DMC1: variants seen among roughly 807,000 people sequenced by gnomAD.
DMC1 encodes the protein DNA meiotic recombinase 1.
DMC1 carries 27 observed loss-of-function variants against 50.1 expected under a neutral mutation model. The observed-to-expected ratio is 0.54, with a 90% CI of 0.40 to 0.74. The LOEUF (loss-of-function observed/expected upper bound fraction) is 0.74. Ranked by LOEUF, DMC1 falls within the 30% of genes least tolerant of loss-of-function variation. The pLI, the probability that DMC1 is intolerant of heterozygous loss-of-function variation, is 0.00. For synonymous variants in DMC1, 148 were observed against 136.1 expected (o/e 1.09, Z -0.61); for missense variants, 295 against 420.2 (o/e 0.70, Z 2.60).
intron 8 of DMC1, among the ~76,000 whole-genome samples, chr22:38,539,914 C>T (rs1382983416): frequency 6.6e-6 from 1 of 151,966 alleles, no homozygotes; most frequent in Admixed American, 6.6e-5. Context: ...CTCTTCATAC[C>T]CCTCATTCCT....
At chr22:38,567,677 C>G (rs377118535) in intron 2 of DMC1, 50 bp from the exon 3 acceptor site, 1 of 1,357,968 alleles carries the variant, frequency 7.4e-7, no homozygotes, top group African/African-American at 1.4e-5. Flanking sequence ...TCATATCCAG[C>G]TATTTCACAT....
intron 11 of DMC1, 127 bp downstream of exon 11, chr22:38,538,168 T>G: frequency 1.3e-6 from 1 of 752,800 alleles, no homozygotes; most frequent in Non-Finnish European, 2.2e-6. Context: ...AAACAAAGAG[T>G]TGTATTCTCA....
chr22:38,521,015 G>C (rs2090019025), intron 13 of DMC1, among the ~76,000 whole-genome samples: 1 of 152,022 alleles, frequency 6.6e-6, no homozygotes, highest in Non-Finnish European at 1.5e-5. Flanking sequence ...AGGATTACAG[G>C]TGTGAGCCAC....
chr22:38,536,228 AAC>A (rs1602729914), intron 12 of DMC1, among the ~76,000 whole-genome samples: 2 of 151,554 alleles, frequency 1.3e-5, no homozygotes, highest in East Asian at 3.9e-4. Flanking sequence ...AAAAAAAAAA[AAC>A]ACACACACAC....
At chr22:38,515,923 C>T (rs1422372419), downstream of DMC1, among the ~76,000 whole-genome samples, 2 of 152,136 alleles carry the variant, frequency 1.3e-5, no homozygotes, top group African/African-American at 4.8e-5. Context: ...TTTCTGGTAA[C>T]AGTATGTTTC....
At chr22:38,521,790 C>T (rs966293487) in intron 12 of DMC1, 66 bp from the exon 13 acceptor site, 4 of 1,091,940 alleles carry the variant, frequency 3.7e-6, no homozygotes, top group East Asian at 2.4e-5. Flanking sequence ...TCTGCAATTA[C>T]AAGGCAATCT....
At chr22:38,541,280 T>C (rs1303319812) in intron 8 of DMC1, among the ~76,000 whole-genome samples, 3 of 152,184 alleles carry the variant, frequency 2.0e-5, no homozygotes, top group African/African-American at 7.2e-5. Context: ...ATCACTTATA[T>C]ATTTTTAAAA....
intron 8 of DMC1, among the ~76,000 whole-genome samples, chr22:38,545,293 C>T (rs2090331367): frequency 6.6e-6 from 1 of 152,140 alleles, no homozygotes; most frequent in African/African-American, 2.4e-5. Context: ...CACCTGTAGT[C>T]CCAGTTACTT....
At chr22:38,532,805 G>T (rs1482690784) in intron 12 of DMC1, among the ~76,000 whole-genome samples, 1 of 151,192 alleles carries the variant, frequency 6.6e-6, no homozygotes, top group Non-Finnish European at 1.5e-5. Context: ...TTTTTTTAGA[G>T]ACGAGGTCTG....
At chr22:38,538,797 G>C (rs539091791) in intron 9 of DMC1, among the ~76,000 whole-genome samples, 185 bp from the exon 10 acceptor site, 34 of 152,304 alleles carry the variant, frequency 2.2e-4, no homozygotes, top group Admixed American at 4.6e-4. Context: ...CACTTTGGGA[G>C]GCCGAGGCAG....
intron 8 of DMC1, among the ~76,000 whole-genome samples, chr22:38,543,286 AT>A (rs2090306949): frequency 1.3e-5 from 2 of 151,000 alleles, no homozygotes; most frequent in African/African-American, 4.9e-5. Context: ...CTGGAGTGCA[AT>A]GGCATGATCT....
chr22:38,554,443 G>GAAAAAAAAA (rs540883900), intron 6 of DMC1, among the ~76,000 whole-genome samples: 1 of 52,004 alleles, frequency 1.9e-5, no homozygotes. Flanking sequence ...CAAGTCAACA[G>GAAAAAAAAA]AAAAAAAAAA....
intron 4 of DMC1, among the ~76,000 whole-genome samples, chr22:38,566,251 C>A (rs1171492759): frequency 1.4e-5 from 2 of 138,602 alleles, no homozygotes; most frequent in African/African-American, 5.6e-5. Context: ...TCTGGCCTGG[C>A]GACAGAGCAA....
At chr22:38,509,240 G>C in the DMC1 span, among the ~76,000 whole-genome samples, 8 of 152,094 alleles carry the variant, frequency 5.3e-5, no homozygotes, top group Non-Finnish European at 7.3e-5. Flanking sequence ...TGTCATGGTG[G>C]TTTGTTGCAC....
intron 8 of DMC1, chr22:38,545,762 G>T (rs1602744213): frequency 6.6e-6 from 1 of 152,146 alleles, no homozygotes; most frequent in East Asian, 1.9e-4. Context: ...ATGCTGAAGG[G>T]AAGTTCAGAT....
At chr22:38,542,532 C>T (rs1425910331) in intron 8 of DMC1, among the ~76,000 whole-genome samples, 1 of 152,040 alleles carries the variant, frequency 6.6e-6, no homozygotes, top group African/African-American at 2.4e-5. Context: ...AACTATAAAA[C>T]ATTGATGAAA....
intron 8 of DMC1, among the ~76,000 whole-genome samples, chr22:38,547,697 G>A (rs1021645165): frequency 1.1e-4 from 17 of 152,022 alleles, no homozygotes; most frequent in Admixed American, 3.3e-4. Context: ...GTGCCGCCAC[G>A]CCCGGCTAAT....
At chr22:38,535,042 G>A (rs2090195132) in intron 12 of DMC1, among the ~76,000 whole-genome samples, 1 of 151,936 alleles carries the variant, frequency 6.6e-6, no homozygotes, top group Non-Finnish European at 1.5e-5. Context: ...GCTTATGCCT[G>A]TAATCCCAGC....
intron 7 of DMC1, among the ~76,000 whole-genome samples, chr22:38,552,323 A>C (rs2090421903): frequency 6.6e-6 from 1 of 152,198 alleles, no homozygotes; most frequent in Admixed American, 6.5e-5. Context: ...AAAGTGAAAG[A>C]TTCTAGGACT....
Sources: gnomAD v4.1 joint callset for allele counts (sites outside exome capture counted in the v4.1 genomes callset) on GRCh38, gnomAD v4.1.1 for gene constraint, MANE v1.5 for transcripts, NCBI Gene and HGNC (gene_info 2026-07-23, HGNC 2026-07-21) for gene names.